The following GRIA4 variants were observed in gnomAD, a reference collection of about 807,000 sequenced individuals.
GRIA4 encodes glutamate ionotropic receptor AMPA type subunit 4, also known as glutamate receptor 4.
GRIA4 carries 34 observed loss-of-function variants against 104.0 expected under a neutral mutation model. That is an observed-to-expected ratio of 0.33 (90% CI 0.25 to 0.44). GRIA4 has a LOEUF of 0.44. Ranked by LOEUF, GRIA4 falls within the 20% of genes least tolerant of loss-of-function variation. The pLI is 1.00. For missense variants in GRIA4, 750 were observed against 1,096.5 expected, an observed-to-expected ratio of 0.68 and a Z score of 4.46; for synonymous variants, 386 against 381.9, an observed-to-expected ratio of 1.01 and a Z score of -0.13.
At chr11:105,942,816 GA>G (rs1241312973) in intron 14 of GRIA4, among the ~76,000 whole-genome samples, 2 of 152,020 alleles carry the variant, frequency 1.3e-5, no homozygotes, top group East Asian at 3.8e-4. Context: ...TCACTGAGTT[GA>G]AAAAATTATG....
intron 3 of GRIA4, among the ~76,000 whole-genome samples, chr11:105,648,204 A>G (rs1951585053): frequency 6.6e-6 from 1 of 151,804 alleles, no homozygotes; most frequent in Non-Finnish European, 1.5e-5. Flanking sequence ...AGTGAGATAA[A>G]TAAGCATGTC....
chr11:105,796,985 CT>C lies in GRIA4; in HGVS notation c.487+43768del, dbSNP rs537907203. On this transcript the variant is annotated intron_variant, in intron 4 of 16. Coordinates refer to ENST00000282499, the MANE Select transcript of GRIA4 (RefSeq NM_000829.4). ...GGTGGCTCATATCTGTAATCCCAGACTTTGGGTGGCCGAGGTGGGTGGATGG... is the reference window on the plus strand; with the variant it reads ...GGTGGCTCATATCTGTAATCCCAGACTTGGGTGGCCGAGGTGGGTGGATGG... 3.9e-5 allele frequency among the ~76,000 whole-genome samples: 6 copies of C among 152,082 alleles called. No individual in the cohort carries two copies. The East Asian group carries it at 1.2e-3, about 30-fold the overall frequency.
At chr11:105,893,695 G>A (rs1398402637) in intron 6 of GRIA4, among the ~76,000 whole-genome samples, 4 of 152,178 alleles carry the variant, frequency 2.6e-5, no homozygotes, top group Non-Finnish European at 4.4e-5. Flanking sequence ...TGTGGATAAC[G>A]CTATGAAAGA....
intron 3 of GRIA4, among the ~76,000 whole-genome samples, chr11:105,648,158 A>G (rs567419276): frequency 1.9e-4 from 29 of 151,922 alleles, no homozygotes; most frequent in Non-Finnish European, 3.5e-4. Context: ...GGAGGAAAGT[A>G]TGATAAAAGA....
chr11:105,806,296 T>G (rs1409653296), intron 4 of GRIA4, among the ~76,000 whole-genome samples: 1 of 151,742 alleles, frequency 6.6e-6, no homozygotes, highest in Non-Finnish European at 1.5e-5. Flanking sequence ...TTTCAGGTAT[T>G]TAATTTAGCA....
At chr11:105,942,716 G>T (rs1241749478) in intron 14 of GRIA4, among the ~76,000 whole-genome samples, 1 of 151,942 alleles carries the variant, frequency 6.6e-6, no homozygotes, top group African/African-American at 2.4e-5. Flanking sequence ...CTGCAGTTTT[G>T]GCAACACATA....
intron 3 of GRIA4, among the ~76,000 whole-genome samples, chr11:105,692,256 A>T (rs4755110): frequency 0.91 from 136,382 of 150,586 alleles, 62,496 homozygotes; most frequent in Non-Finnish European, 0.98. Context: ...TCTTTTTTTT[A>T]AAAAAAAAAA....
At chr11:105,635,315 C>G (rs1446723317) in intron 3 of GRIA4, among the ~76,000 whole-genome samples, 2 of 151,924 alleles carry the variant, frequency 1.3e-5, no homozygotes, top group Admixed American at 1.3e-4. Flanking sequence ...GAAACTTTAG[C>G]TTAAATATAT....
intron 9 of GRIA4, among the ~76,000 whole-genome samples, chr11:105,909,033 G>A (rs1947140437): frequency 1.3e-5 from 2 of 152,128 alleles, no homozygotes; most frequent in Non-Finnish European, 2.9e-5. Flanking sequence ...ATTAATAAAT[G>A]TCAATCAGAG....
At chr11:105,835,956 TAAAAGCC>T (rs1291975674) in intron 4 of GRIA4, among the ~76,000 whole-genome samples, 1 of 151,874 alleles carries the variant, frequency 6.6e-6, no homozygotes, top group African/African-American at 2.4e-5. Flanking sequence ...TGTTTGAGGA[TAAAAGCC>T]AAAAGCCAAT....
At chr11:105,612,193 G>A (rs1297861810) in intron 2 of GRIA4, 83 bp from the exon 3 acceptor site, 5 of 1,226,400 alleles carry the variant, frequency 4.1e-6, no homozygotes, top group African/African-American at 1.5e-5. Context: ...CTTGTGAATG[G>A]CAGTAGATTT....
intron 9 of GRIA4, among the ~76,000 whole-genome samples, chr11:105,908,108 C>T (rs1192065104): frequency 2.0e-5 from 3 of 152,160 alleles, no homozygotes; most frequent in Non-Finnish European, 4.4e-5. Context: ...CTCCTCACAG[C>T]CGCTCAGTCC....
chr11:105,895,858 T>C (rs1354024507), intron 6 of GRIA4, among the ~76,000 whole-genome samples: 1 of 152,198 alleles, frequency 6.6e-6, no homozygotes, highest in East Asian at 1.9e-4. Flanking sequence ...ATGACTTTAC[T>C]ATTGTGAATA....
intron 14 of GRIA4, among the ~76,000 whole-genome samples, chr11:105,939,419 T>A (rs1416219105): frequency 6.6e-6 from 1 of 152,186 alleles, no homozygotes; most frequent in Non-Finnish European, 1.5e-5. Flanking sequence ...GCTACCAAAA[T>A]GTTTGGCAGT....
chr11:105,786,272 C>A (rs569030093), intron 4 of GRIA4, among the ~76,000 whole-genome samples: 1 of 151,530 alleles, frequency 6.6e-6, no homozygotes, highest in East Asian at 1.9e-4. Context: ...CGAGTTGAAT[C>A]TTCTATTCAA....
chr11:105,723,306 G>T (rs1937959381), intron 3 of GRIA4, among the ~76,000 whole-genome samples: 1 of 152,056 alleles, frequency 6.6e-6, no homozygotes, highest in Non-Finnish European at 1.5e-5. Context: ...CAGAGATTGA[G>T]CATTTAGCTG....
chr11:105,854,814 G>T (rs1362792156), intron 4 of GRIA4, among the ~76,000 whole-genome samples: 1 of 152,126 alleles, frequency 6.6e-6, no homozygotes, highest in Non-Finnish European at 1.5e-5. Flanking sequence ...TCTGCATGCT[G>T]AAGTGTGGTG....
intron 4 of GRIA4, among the ~76,000 whole-genome samples, chr11:105,817,412 AC>A: frequency 6.6e-6 from 1 of 151,324 alleles, no homozygotes; most frequent in Middle Eastern, 3.4e-3. Context: ...TAGCATTGAT[AC>A]AACATTTGGG....
intron 5 of GRIA4, among the ~76,000 whole-genome samples, chr11:105,884,904 T>A (rs537832322): frequency 6.6e-6 from 1 of 152,300 alleles, no homozygotes; most frequent in African/African-American, 2.4e-5. Context: ...TTTTTAAAAT[T>A]AAACTGACAC....
Sources: allele counts gnomAD v4.1 joint callset (sites outside exome capture counted in the v4.1 genomes callset), GRCh38; gene constraint gnomAD v4.1.1; transcripts MANE v1.5; gene names NCBI Gene and HGNC (gene_info 2026-07-23, HGNC 2026-07-21).